CLPB: variants seen among roughly 807,000 people sequenced by gnomAD.
The protein encoded by CLPB is ClpB family mitochondrial disaggregase.
In CLPB, 40 loss-of-function variants were observed where a neutral mutation model predicts 78.4. The ratio of observed to expected loss-of-function variants is 0.51; its 90% CI spans 0.40 to 0.66. CLPB has a LOEUF of 0.66. Ranked by LOEUF, CLPB falls within the 30% of genes least tolerant of loss-of-function variation. The pLI is 0.00. For missense variants in CLPB, 780 were observed against 886.9 expected, an observed-to-expected ratio of 0.88 and a Z score of 1.53; for synonymous variants, 333 against 348.0, an observed-to-expected ratio of 0.96 and a Z score of 0.48.
intron 3 of CLPB, among the ~76,000 whole-genome samples, chr11:72,391,678 G>A (rs760446468): frequency 8.5e-5 from 13 of 152,208 alleles, no homozygotes; most frequent in Non-Finnish European, 1.5e-4. Flanking sequence ...TGGTTTAGCT[G>A]TGGAAAACGT....
chr11:72,372,566 C>T (rs1188314305), intron 4 of CLPB, among the ~76,000 whole-genome samples: 2 of 152,106 alleles, frequency 1.3e-5, no homozygotes. Flanking sequence ...AGCACAACAC[C>T]ACAACTAATA....
At chr11:72,308,093 C>A (rs552273171) in intron 8 of CLPB, among the ~76,000 whole-genome samples, 1 of 152,322 alleles carries the variant, frequency 6.6e-6, no homozygotes, top group South Asian at 2.1e-4. Context: ...CTTACTGCAA[C>A]CAATTTTGCT....
intron 6 of CLPB, among the ~76,000 whole-genome samples, chr11:72,317,839 A>G (rs1949976488): frequency 6.6e-6 from 1 of 152,210 alleles, no homozygotes; most frequent in Admixed American, 6.5e-5. Flanking sequence ...GGGAGGTTCT[A>G]GTTGATGCTG....
At chr11:72,306,428 C>A (rs969523816) in intron 9 of CLPB, among the ~76,000 whole-genome samples, 9 of 152,308 alleles carry the variant, frequency 5.9e-5, no homozygotes, top group African/African-American at 2.2e-4. Flanking sequence ...GCCCTGGATG[C>A]TGGGAAGGCT....
chr11:72,434,387 C>CA lies in CLPB; in HGVS notation c.87dup (p.Gly30TrpfsTer163). ...GTCACATTCCGGCCGGAAGCACCTC[C>CA]ATGGCCCCGGAGCGTTGGGGACCTG... On this transcript the variant is annotated frameshift_variant, in exon 1 of 16. Transcript: ENST00000538039. LOFTEE classifies it high-confidence loss of function. The CA allele has an allele frequency of 6.2e-7, 1 of 1,611,218 alleles. No individual in the cohort carries two copies. Among genetic ancestry groups the CA allele is most frequent in the South Asian group, 1.1e-5 (1 of 90,872 alleles).
intron 4 of CLPB, among the ~76,000 whole-genome samples, chr11:72,363,869 C>CTAAG (rs1950889646): frequency 6.6e-6 from 1 of 152,220 alleles, no homozygotes; most frequent in Non-Finnish European, 1.5e-5. Context: ...AGCTCAGGGA[C>CTAAG]TAAGCTAACT....
intron 10 of CLPB, 141 bp downstream of exon 10, chr11:72,302,163 A>G: frequency 1.0e-6 from 1 of 995,540 alleles, no homozygotes; most frequent in Non-Finnish European, 1.5e-6. Context: ...GAAACAAATC[A>G]GTGACCCTGC....
At chr11:72,364,158 G>C (rs1463105930) in intron 4 of CLPB, among the ~76,000 whole-genome samples, 2 of 152,232 alleles carry the variant, frequency 1.3e-5, no homozygotes, top group East Asian at 3.9e-4. Context: ...AAAAAGTGTA[G>C]AGAGCTTCAG....
Position 72,381,334 on chromosome 11 carries a change from A to ACT in CLPB, c.543-951_543-950insAG, listed in dbSNP as rs1304053847. ...GAAGGCTCCCAAACTCCCGGCTGAT[A>ACT]CCCTCAGACTAAGCCTCTAGGCCTG... is the stretch of plus-strand genomic sequence containing the variant. On this transcript the variant is annotated intron_variant, in intron 3 of 15. Transcript: ENST00000538039. Among the ~76,000 whole-genome samples, 3 of 152,162 alleles carry ACT rather than the reference A, an allele frequency of 2.0e-5. No individual in the cohort carries two copies. In the South Asian group the frequency reaches 6.2e-4, roughly 32 times the overall value.
chr11:72,319,347 G>T (rs117217761), intron 6 of CLPB, among the ~76,000 whole-genome samples: 3 of 152,334 alleles, frequency 2.0e-5, no homozygotes, highest in South Asian at 4.1e-4. Context: ...CTGGCTCACA[G>T]CAGGCGTCAA....
At chr11:72,431,539 C>T (rs964997571) in intron 1 of CLPB, among the ~76,000 whole-genome samples, 2 of 152,206 alleles carry the variant, frequency 1.3e-5, no homozygotes, top group Non-Finnish European at 2.9e-5. Flanking sequence ...GAAAGCCAGT[C>T]CTGTGGTTCA....
At chr11:72,343,870 C>T (rs1483271577) in intron 5 of CLPB, among the ~76,000 whole-genome samples, 1 of 152,088 alleles carries the variant, frequency 6.6e-6, no homozygotes, top group African/African-American at 2.4e-5. Flanking sequence ...ATTGTGATAC[C>T]CTGTGCCCAG....
chr11:72,338,407 G>T (rs1440069944), intron 5 of CLPB, among the ~76,000 whole-genome samples: 1 of 152,178 alleles, frequency 6.6e-6, no homozygotes. Flanking sequence ...ATGAGTAGGA[G>T]AGTGGGAGCT....
At chr11:72,384,367 C>A (rs1855014394) in intron 3 of CLPB, among the ~76,000 whole-genome samples, 1 of 151,994 alleles carries the variant, frequency 6.6e-6, no homozygotes, top group South Asian at 2.1e-4. Flanking sequence ...ACTAAAAATA[C>A]AGAATATGTT....
intron 6 of CLPB, among the ~76,000 whole-genome samples, chr11:72,326,136 T>C (rs1207482816): frequency 6.6e-6 from 1 of 152,216 alleles, no homozygotes; most frequent in Admixed American, 6.5e-5. Flanking sequence ...AAATATGTAT[T>C]TGAGCACCTG....
intron 2 of CLPB, among the ~76,000 whole-genome samples, chr11:72,422,436 A>G (rs1028145076): frequency 1.1e-4 from 16 of 152,206 alleles, no homozygotes; most frequent in Middle Eastern, 3.2e-3. Context: ...TTTTAATTCT[A>G]AAACTCTTGT....
chr11:72,337,035 G>A, intron 5 of CLPB: 1 of 398,922 alleles, frequency 2.5e-6, no homozygotes, highest in Non-Finnish European at 4.4e-6. Context: ...CAGGGTCCTG[G>A]CCTGCCACTT....
chr11:72,350,854 A>T (rs1462417397), intron 5 of CLPB, among the ~76,000 whole-genome samples: 1 of 152,220 alleles, frequency 6.6e-6, no homozygotes, highest in Admixed American at 6.5e-5. Context: ...TAATTTACAT[A>T]CCATAAAGTT....
intron 2 of CLPB, among the ~76,000 whole-genome samples, chr11:72,410,509 A>G (rs888394825): frequency 1.3e-5 from 2 of 152,228 alleles, no homozygotes; most frequent in African/African-American, 4.8e-5. Flanking sequence ...GCATAAGAAG[A>G]GCTTATACTA....
Sources: allele counts gnomAD v4.1 joint callset (sites outside exome capture counted in the v4.1 genomes callset), GRCh38; gene constraint gnomAD v4.1.1; transcripts MANE v1.5; gene names NCBI Gene and HGNC (gene_info 2026-07-23, HGNC 2026-07-21).